The following PIK3R1 variants were observed in gnomAD, a reference collection of about 807,000 sequenced individuals.
The protein encoded by PIK3R1 is phosphatidylinositol 3-kinase regulatory subunit alpha.
Under a neutral mutation model 98.0 loss-of-function variants are expected in PIK3R1, and 29 were observed. The ratio of observed to expected loss-of-function variants is 0.30; its 90% CI spans 0.22 to 0.40. The LOEUF is 0.40. Ranked by LOEUF, PIK3R1 falls within the 10% of genes least tolerant of loss-of-function variation. The probability of loss-of-function intolerance (pLI) is 1.00; values close to 1 mark genes in which losing one functional copy is unlikely to be tolerated. For synonymous variants in PIK3R1, 282 were observed against 311.8 expected (o/e 0.90, Z 1.01); for missense variants, 596 against 872.7 (o/e 0.68, Z 3.99).
intron 7 of PIK3R1, chr5:68,288,556 C>A (rs1580254647): frequency 2.7e-6 from 4 of 1,505,196 alleles, no homozygotes; most frequent in South Asian, 1.3e-5. Context: ...TGTGCACGCC[C>A]GGAGGGTCCT....
intron 1 of PIK3R1, 117 bp downstream of exon 1, chr5:68,216,066 C>A (rs1436329418): frequency 6.6e-6 from 1 of 152,210 alleles, no homozygotes; most frequent in Non-Finnish European, 1.5e-5. Context: ...TTCTGCAGAG[C>A]CCCGCCGGGG....
chr5:68,252,392 G>C (rs1044696486), intron 2 of PIK3R1, among the ~76,000 whole-genome samples: 56 of 152,158 alleles, frequency 3.7e-4, no homozygotes, highest in Non-Finnish European at 6.5e-4. Flanking sequence ...AAAGTGGGGG[G>C]ATCAGATGCC....
chr5:68,294,312 C>G (rs10461539), intron 11 of PIK3R1, among the ~76,000 whole-genome samples: 2 of 152,164 alleles, frequency 1.3e-5, no homozygotes, highest in African/African-American at 2.4e-5. Context: ...ACTACAATAG[C>G]TTTTAAGAAG....
intron 7 of PIK3R1, among the ~76,000 whole-genome samples, chr5:68,286,022 T>C (rs539179028): frequency 6.6e-6 from 1 of 152,334 alleles, no homozygotes; most frequent in African/African-American, 2.4e-5. Flanking sequence ...AAGAAGAAGT[T>C]TTCTAGGTTG....
At chr5:68,253,124 TTTTTCCTTGAATA>T (rs761380666) in intron 2 of PIK3R1, among the ~76,000 whole-genome samples, 2 of 152,258 alleles carry the variant, frequency 1.3e-5, no homozygotes, top group African/African-American at 2.4e-5. Context: ...ACACACATAC[TTTTTCCTTGAATA>T]TTTTTGTTAC....
Position 68,243,867 on chromosome 5 carries a change from T to G in PIK3R1, c.334+16858T>G, listed in dbSNP as rs1744962229. On this transcript the variant is annotated intron_variant, in intron 2 of 15. Transcript: ENST00000521381. ...GACTATGTAAAATGGCTCCTTAAGC[T>G]TCGTGGACAATTGAGTAATTTCAGT... 2.6e-5 allele frequency among the ~76,000 whole-genome samples: 4 copies of G among 152,228 alleles called. No homozygotes were observed. The South Asian group carries it at 8.3e-4, about 31-fold the overall frequency.
At chr5:68,219,441 T>C (rs978077695) in intron 1 of PIK3R1, among the ~76,000 whole-genome samples, 3 of 152,180 alleles carry the variant, frequency 2.0e-5, no homozygotes, top group African/African-American at 7.2e-5. Flanking sequence ...CCTGTTGTCT[T>C]CCTCCCCGGA....
chr5:68,288,650 G>T, intron 7 of PIK3R1: 2 of 1,605,212 alleles, frequency 1.2e-6, no homozygotes, highest in Non-Finnish European at 1.7e-6. Flanking sequence ...AGGTGCGGGG[G>T]CTTGGCCCAC....
At position 68,301,438 on chromosome 5, in the gene PIK3R1, G is replaced by GTATATATATATA. The variant is rs1748082585; in HGVS notation, c.*3838_*3839insATATATATATAT. The GTATATATATATA allele has an allele frequency of 2.7e-5, 3 of 112,770 alleles. No homozygotes were observed. Among genetic ancestry groups the GTATATATATATA allele is most frequent in the African/African-American group, 1.1e-4 (3 of 26,106 alleles). The allele number at this position is 112,770 out of a possible 1,614,324, so 7.0% of individuals were successfully genotyped here. A position where few individuals can be genotyped will look rare whatever the true frequency, so the allele number is the denominator to read the frequency against. ...TATATATATATATATATATATGTGT[G>GTATATATATATA]TGTATATATATATATATGTGTATAT... is the stretch of plus-strand genomic sequence containing the variant. On this transcript the variant is annotated 3_prime_UTR_variant, in exon 16 of 16. Transcript: ENST00000521381.
At chr5:68,232,786 T>C (rs947721263) in intron 2 of PIK3R1, among the ~76,000 whole-genome samples, 3 of 152,218 alleles carry the variant, frequency 2.0e-5, no homozygotes, top group Non-Finnish European at 4.4e-5. Flanking sequence ...TTTTCAAAAA[T>C]GGGAAAAGGG....
chr5:68,255,626 C>A (rs147226370), intron 2 of PIK3R1, among the ~76,000 whole-genome samples: 420 of 152,278 alleles, frequency 2.8e-3, no homozygotes, highest in African/African-American at 9.4e-3. Flanking sequence ...ACTTCTCAGT[C>A]TCAGTATTTA....
At chr5:68,290,758 C>A (rs556342472) in intron 7 of PIK3R1, 1 of 1,613,460 alleles carries the variant, frequency 6.2e-7, no homozygotes, top group Admixed American at 1.7e-5. Context: ...ATATGGAAGA[C>A]CTGGATTTAG....
intron 4 of PIK3R1, among the ~76,000 whole-genome samples, chr5:68,278,026 A>T (rs1385926952): frequency 6.6e-6 from 1 of 152,134 alleles, no homozygotes; most frequent in African/African-American, 2.4e-5. Flanking sequence ...CAGCAGCCAA[A>T]GTCCTCTCCT....
intron 4 of PIK3R1, among the ~76,000 whole-genome samples, chr5:68,277,627 G>A (rs1006056703): frequency 6.6e-6 from 1 of 152,106 alleles, no homozygotes; most frequent in Non-Finnish European, 1.5e-5. Context: ...GATTTGTACT[G>A]TCATATTCCA....
intron 1 of PIK3R1, among the ~76,000 whole-genome samples, chr5:68,218,844 G>A (rs1360301349): frequency 6.6e-6 from 1 of 152,206 alleles, no homozygotes; most frequent in East Asian, 1.9e-4. Flanking sequence ...GAATTATCAA[G>A]TTAGTTTTTA....
At chr5:68,227,287 A>G (rs925446504) in intron 2 of PIK3R1, among the ~76,000 whole-genome samples, 5 of 152,236 alleles carry the variant, frequency 3.3e-5, no homozygotes, top group African/African-American at 1.2e-4. Flanking sequence ...TGAATTAAAC[A>G]TCTACTATAT....
intron 7 of PIK3R1, among the ~76,000 whole-genome samples, chr5:68,284,748 A>T (rs1372814523): frequency 6.6e-6 from 1 of 152,220 alleles, no homozygotes; most frequent in East Asian, 1.9e-4. Flanking sequence ...CCTAGCAGAG[A>T]ACTAGGTACA....
At chr5:68,253,794 C>A (rs1488924294) in intron 2 of PIK3R1, among the ~76,000 whole-genome samples, 2 of 152,108 alleles carry the variant, frequency 1.3e-5, no homozygotes, top group African/African-American at 4.8e-5. Context: ...TATTACAGTT[C>A]TTTATGATAA....
Position 68,297,685 on chromosome 5 carries a change from G to A in PIK3R1, c.*84G>A. 8.8e-7 allele frequency: 1 copy of A among 1,138,912 alleles called. No individual in the cohort carries two copies. The highest frequency in any genetic ancestry group is 1.3e-6 in the Non-Finnish European group (1 of 786,114). 70.6% of individuals were successfully genotyped at this position (1,138,912 alleles called of 1,614,324 possible). A position where few individuals can be genotyped will look rare whatever the true frequency, so the allele number is the denominator to read the frequency against. ...AAAGGGCTCCTCTCCAGTCTGATCT[G>A]TGAATTGAGCTGCAGAAACGAAGCC... On this transcript the variant is annotated 3_prime_UTR_variant, in exon 16 of 16. Transcript: ENST00000521381.
Sources: gnomAD v4.1 joint callset for allele counts (sites outside exome capture counted in the v4.1 genomes callset) on GRCh38, gnomAD v4.1.1 for gene constraint, MANE v1.5 for transcripts, NCBI Gene and HGNC (gene_info 2026-07-23, HGNC 2026-07-21) for gene names.